SMG6: variants seen among roughly 807,000 people sequenced by gnomAD.
The protein encoded by SMG6 is SMG6 nonsense mediated mRNA decay factor, also known as telomerase-binding protein EST1A.
Under a neutral mutation model 142.2 loss-of-function variants are expected in SMG6, and 66 were observed. The ratio of observed to expected loss-of-function variants is 0.46; its 90% CI spans 0.38 to 0.57. SMG6 has a LOEUF of 0.57. Among genes scored for constraint, SMG6 ranks in the 20% least tolerant of loss-of-function variants. The pLI, the probability that SMG6 is intolerant of heterozygous loss-of-function variation, is 0.00. For missense variants in SMG6, 1,793 were observed against 1,832.0 expected (o/e 0.98, Z 0.39); for synonymous variants, 779 against 702.4 (o/e 1.11, Z -1.72).
chr17:2,156,664 T>G (rs2071017402), intron 13 of SMG6, among the ~76,000 whole-genome samples: 3 of 152,084 alleles, frequency 2.0e-5, no homozygotes, highest in Non-Finnish European at 4.4e-5. Context: ...TTTTGCTTGT[T>G]TGTTTTTTGA....
Position 2,236,699 on chromosome 17 carries a change from TCTCACA to T in SMG6, c.2724-68_2724-63del, listed in dbSNP as rs1283101831. ...CTCTTTCAGTCTCTCTCTCACTCTGTCTCACACACACACACACACACACACACACAC... is the reference window on the plus strand; with the variant it reads ...CTCTTTCAGTCTCTCTCTCACTCTGTCACACACACACACACACACACACAC... On this transcript the variant is annotated intron_variant, in intron 9 of 18. Transcript: ENST00000263073. The T allele has an allele frequency of 6.8e-4, 992 of 1,460,624 alleles. 2 individuals carry two copies. The highest frequency in any genetic ancestry group is 2.7e-3 in the African/African-American group (144 of 53,142). The allele number at this position is 1,460,624 out of a possible 1,614,324, so 90.5% of individuals were successfully genotyped here.
Position 2,230,186 on chromosome 17 carries a change from C to CA in SMG6, c.2869+6305dup, listed in dbSNP as rs1184138967. Among the ~76,000 whole-genome samples, 11 of 8,176 alleles carry CA rather than the reference C, an allele frequency of 1.3e-3. 1 individual carries two copies. The highest frequency in any genetic ancestry group is 1.8e-3 in the Non-Finnish European group (6 of 3,378). The allele number at this position is 8,176 out of a possible 152,430, so 5.4% of individuals were successfully genotyped here. ...GGGCCACAGAGCAAGACTCCGTCTC[C>CA]AAAAAAAAAAAAAAAAAAAAAAAAA... On this transcript the variant is annotated intron_variant, in intron 10 of 18. Transcript: ENST00000263073.
At chr17:2,216,128 C>T (rs2073012444) in intron 10 of SMG6, 2 of 152,086 alleles carry the variant, frequency 1.3e-5, no homozygotes, top group Non-Finnish European at 2.9e-5. Flanking sequence ...TCTGCCTCTT[C>T]CCAGTAGGCA....
chr17:2,156,280 G>A (rs1378877291), intron 13 of SMG6, among the ~76,000 whole-genome samples: 1 of 148,454 alleles, frequency 6.7e-6, no homozygotes, highest in Non-Finnish European at 1.5e-5. Flanking sequence ...TGTAACCCCA[G>A]CTACTCCGGA....
chr17:2,181,373 G>C (rs548579654), intron 12 of SMG6, among the ~76,000 whole-genome samples: 1 of 152,278 alleles, frequency 6.6e-6, no homozygotes, highest in Admixed American at 6.5e-5. Flanking sequence ...CCATGCCTTG[G>C]GGTCAGGCCC....
At chr17:2,107,666 C>T (rs1223811772) in intron 13 of SMG6, among the ~76,000 whole-genome samples, 1 of 152,126 alleles carries the variant, frequency 6.6e-6, no homozygotes, top group Admixed American at 6.6e-5. Context: ...TCTGATGGAA[C>T]AAGCCATCTG....
intron 10 of SMG6, among the ~76,000 whole-genome samples, chr17:2,231,847 C>G (rs1340219971): frequency 6.6e-6 from 1 of 152,120 alleles, no homozygotes; most frequent in African/African-American, 2.4e-5. Flanking sequence ...CCTCTTGCTG[C>G]CACCGGGGCT....
intron 13 of SMG6, among the ~76,000 whole-genome samples, chr17:2,098,734 G>C (rs1162053754): frequency 6.6e-6 from 1 of 151,858 alleles, no homozygotes; most frequent in Non-Finnish European, 1.5e-5. Flanking sequence ...GTGTTCAAGT[G>C]ATTCTCCTGC....
chr17:2,099,912 G>C (rs150967324), intron 13 of SMG6, among the ~76,000 whole-genome samples: 2 of 152,232 alleles, frequency 1.3e-5, no homozygotes, highest in Non-Finnish European at 2.9e-5. Context: ...GCCCAGGCTG[G>C]AGTGCAGTGG....
At chr17:2,083,253 C>A (rs547557620) in intron 14 of SMG6, among the ~76,000 whole-genome samples, 1 of 152,180 alleles carries the variant, frequency 6.6e-6, no homozygotes, top group Admixed American at 6.5e-5. Context: ...AACTGTCCAG[C>A]TCAAGGTCAT....
intron 13 of SMG6, among the ~76,000 whole-genome samples, chr17:2,156,981 C>A (rs1026656545): frequency 6.6e-6 from 1 of 152,094 alleles, no homozygotes; most frequent in South Asian, 2.1e-4. Context: ...GCTTTGCTAA[C>A]AGTAAGGGAA....
At chr17:2,137,114 C>T (rs779989750) in intron 13 of SMG6, among the ~76,000 whole-genome samples, 2 of 152,162 alleles carry the variant, frequency 1.3e-5, no homozygotes, top group African/African-American at 2.4e-5. Flanking sequence ...TTGCAGTGAG[C>T]GCAGATCCCG....
intron 8 of SMG6, among the ~76,000 whole-genome samples, chr17:2,261,094 C>T (rs913992609): frequency 2.0e-5 from 3 of 151,588 alleles, no homozygotes. Flanking sequence ...ATCACGAGGT[C>T]AGGAGATCGA....
intron 15 of SMG6, among the ~76,000 whole-genome samples, chr17:2,078,358 G>A (rs1423754671): frequency 1.3e-5 from 2 of 151,948 alleles, no homozygotes; most frequent in African/African-American, 2.4e-5. Context: ...TGCTCTAGTT[G>A]CTACTATTAT....
At chr17:2,240,251 T>G (rs1314691572) in intron 9 of SMG6, 1 of 152,178 alleles carries the variant, frequency 6.6e-6, no homozygotes, top group Non-Finnish European at 1.5e-5. Flanking sequence ...AACCAATCTT[T>G]CAGACAACAC....
chr17:2,259,597 C>T (rs1231280144), intron 8 of SMG6, among the ~76,000 whole-genome samples: 1 of 148,064 alleles, frequency 6.8e-6, no homozygotes, highest in Non-Finnish European at 1.5e-5. Flanking sequence ...CACCTGAGCC[C>T]AGGAGGTTGA....
At chr17:2,220,939 A>T (rs1432383530) in intron 10 of SMG6, among the ~76,000 whole-genome samples, 1 of 152,222 alleles carries the variant, frequency 6.6e-6, no homozygotes, top group African/African-American at 2.4e-5. Flanking sequence ...TTTAAAAAAA[A>T]TCATTTAGTT....
intron 10 of SMG6, among the ~76,000 whole-genome samples, chr17:2,202,406 G>T (rs2072556874): frequency 6.6e-6 from 1 of 152,084 alleles, no homozygotes; most frequent in Non-Finnish European, 1.5e-5. Context: ...TAAAAAATTA[G>T]CCTGCAGTGG....
chr17:2,167,743 C>T (rs1476431821), intron 13 of SMG6, among the ~76,000 whole-genome samples: 2 of 152,224 alleles, frequency 1.3e-5, no homozygotes, highest in Non-Finnish European at 2.9e-5. Context: ...CAGGACCAAA[C>T]ATGAGACTAA....
Sources: gnomAD v4.1 joint callset for allele counts (sites outside exome capture counted in the v4.1 genomes callset) on GRCh38, gnomAD v4.1.1 for gene constraint, MANE v1.5 for transcripts, NCBI Gene and HGNC (gene_info 2026-07-23, HGNC 2026-07-21) for gene names.